The following CCDC201 variants were observed in gnomAD, a reference collection of about 807,000 sequenced individuals.
The protein encoded by CCDC201 is coiled-coil domain containing 201, also known as coiled-coil domain-containing protein 201.
At chr7:45,878,248 C>T in the CCDC201 span, among the ~76,000 whole-genome samples, 1 of 152,226 alleles carries the variant, frequency 6.6e-6, no homozygotes, top group African/African-American at 2.4e-5. Context: ...ACAGTGCAAA[C>T]TGTCAGTGGA....
intron 2 of CCDC201, among the ~76,000 whole-genome samples, chr7:45,864,792 GAAGA>G (rs890412278): frequency 3.9e-5 from 6 of 152,186 alleles, no homozygotes; most frequent in African/African-American, 1.4e-4. Context: ...CTAAAAAGTA[GAAGA>G]AAGGGCTAAA....
At chr7:45,881,071 C>T in the CCDC201 span, among the ~76,000 whole-genome samples, 7 of 152,226 alleles carry the variant, frequency 4.6e-5, no homozygotes, top group African/African-American at 1.4e-4. Flanking sequence ...AACAACACCA[C>T]ATCTAACGTA....
At chr7:45,884,008 T>TTTTC in the CCDC201 span, among the ~76,000 whole-genome samples, 12 of 125,194 alleles carry the variant, frequency 9.6e-5, no homozygotes, top group East Asian at 3.4e-3. Flanking sequence ...TCTTTCTTTC[T>TTTTC]TTTTCTTTCT....
At chr7:45,877,930 T>C (rs888424142), upstream of CCDC201, among the ~76,000 whole-genome samples, 2 of 152,206 alleles carry the variant, frequency 1.3e-5, no homozygotes, top group Admixed American at 1.3e-4. Context: ...CCTTTCACCT[T>C]GGGCCTGTAA....
the CCDC201 span, among the ~76,000 whole-genome samples, chr7:45,884,138 C>A: frequency 6.7e-6 from 1 of 149,918 alleles, no homozygotes; most frequent in African/African-American, 2.5e-5. Context: ...TCTCACTCTG[C>A]CACCGAGGCT....
chr7:45,874,197 C>T (rs191510011), upstream of CCDC201, among the ~76,000 whole-genome samples: 1 of 152,230 alleles, frequency 6.6e-6, no homozygotes, highest in African/African-American at 2.4e-5. Context: ...CAGGTGTGAG[C>T]CACCATGCAC....
chr7:45,872,306 C>G (rs993406426), intron 1 of CCDC201, among the ~76,000 whole-genome samples: 1 of 152,244 alleles, frequency 6.6e-6, no homozygotes, highest in Middle Eastern at 3.2e-3. Flanking sequence ...CTCCATCCAG[C>G]AGGCGGAGCT....
chr7:45,876,275 C>T (rs1272176264), upstream of CCDC201, among the ~76,000 whole-genome samples: 4 of 152,158 alleles, frequency 2.6e-5, no homozygotes, highest in African/African-American at 9.7e-5. Flanking sequence ...ACCATGACAA[C>T]CCTCTTACCT....
At chr7:45,878,133 G>T in the CCDC201 span, among the ~76,000 whole-genome samples, 2 of 152,218 alleles carry the variant, frequency 1.3e-5, no homozygotes, top group Non-Finnish European at 2.9e-5. Flanking sequence ...TGCAAGGGGT[G>T]TTCTCCCAAG....
intron 2 of CCDC201, among the ~76,000 whole-genome samples, chr7:45,864,002 A>G (rs1306624610): frequency 6.6e-6 from 1 of 152,108 alleles, no homozygotes; most frequent in Non-Finnish European, 1.5e-5. Context: ...TGGGGTCTGC[A>G]AGATCCCATG....
exon 3 of CCDC201, chr7:45,860,785 TTC>T (rs1273595399): frequency 2.6e-5 from 4 of 152,240 alleles, no homozygotes; most frequent in South Asian, 4.1e-4. Context: ...GCAAGACTTG[TTC>T]TGTCTTTAGC....
chr7:45,868,904 T>G (rs1191315736), intron 1 of CCDC201, among the ~76,000 whole-genome samples: 1 of 152,218 alleles, frequency 6.6e-6, no homozygotes, highest in African/African-American at 2.4e-5. Context: ...CTTCTCCCTC[T>G]AGGTAGTTTC....
the CCDC201 span, among the ~76,000 whole-genome samples, chr7:45,881,760 G>C: frequency 3.9e-5 from 6 of 152,142 alleles, no homozygotes; most frequent in Non-Finnish European, 7.3e-5. Context: ...CGCTTCCATC[G>C]CCAACACTGA....
chr7:45,882,275 A>G, the CCDC201 span, among the ~76,000 whole-genome samples: 1 of 152,196 alleles, frequency 6.6e-6, no homozygotes, highest in Non-Finnish European at 1.5e-5. Flanking sequence ...GCACCACCCC[A>G]GAGGTCCCAG....
At chr7:45,862,870 C>T (rs568319318) in exon 3 of CCDC201, 5 of 152,442 alleles carry the variant, frequency 3.3e-5, no homozygotes, top group Admixed American at 2.6e-4. Flanking sequence ...TCTTCTTTAA[C>T]CTGCCACCTC....
the CCDC201 span, among the ~76,000 whole-genome samples, chr7:45,878,781 G>A: frequency 5.3e-5 from 8 of 152,206 alleles, no homozygotes; most frequent in Non-Finnish European, 7.3e-5. Flanking sequence ...GGCTATTAAC[G>A]TTTGATTCAC....
At chr7:45,864,145 C>T (rs752701770) in intron 2 of CCDC201, among the ~76,000 whole-genome samples, 1 of 152,150 alleles carries the variant, frequency 6.6e-6, no homozygotes, top group Non-Finnish European at 1.5e-5. Flanking sequence ...AGCTGAGGCT[C>T]TCAGAGGGCT....
the CCDC201 span, among the ~76,000 whole-genome samples, chr7:45,882,179 C>A: frequency 3.3e-4 from 51 of 152,282 alleles, 1 homozygote; most frequent in East Asian, 1.9e-3. Flanking sequence ...GCATGGATTG[C>A]CCAATTTTCA....
chr7:45,878,900 C>G, the CCDC201 span, among the ~76,000 whole-genome samples: 65,951 of 152,166 alleles, frequency 0.43, 14,587 homozygotes, highest in East Asian at 0.56. Flanking sequence ...CACTCTGCTT[C>G]TCTTTTAAAA....
Sources: allele counts gnomAD v4.1 joint callset (sites outside exome capture counted in the v4.1 genomes callset), GRCh38; gene constraint gnomAD v4.1.1; transcripts MANE v1.5; gene names NCBI Gene and HGNC (gene_info 2026-07-23, HGNC 2026-07-21).